SMYD3: variants seen among roughly 807,000 people sequenced by gnomAD.
SMYD3 encodes SET and MYND domain containing 3.
In SMYD3, 36 loss-of-function variants were observed where a neutral mutation model predicts 57.7. The ratio of observed to expected loss-of-function variants is 0.62; its 90% CI spans 0.48 to 0.82. The LOEUF is 0.82. SMYD3 is among the 40% of genes least tolerant of loss of function. SMYD3 has a pLI of 0.00. For synonymous variants in SMYD3, 211 were observed against 195.0 expected (o/e 1.08, Z -0.68); for missense variants, 515 against 538.8 (o/e 0.96, Z 0.44).
At chr1:246,131,749 T>C (rs931047549) in intron 5 of SMYD3, among the ~76,000 whole-genome samples, 4 of 152,198 alleles carry the variant, frequency 2.6e-5, no homozygotes, top group African/African-American at 9.7e-5. Flanking sequence ...CTGACATAAA[T>C]TTCCGGAGAA....
chr1:246,166,502 G>C (rs1202218237), intron 5 of SMYD3, among the ~76,000 whole-genome samples: 1 of 152,130 alleles, frequency 6.6e-6, no homozygotes, highest in Non-Finnish European at 1.5e-5. Context: ...CCCTTTATTT[G>C]CTGAGTGTCT....
intron 9 of SMYD3, among the ~76,000 whole-genome samples, chr1:245,861,951 T>C (rs1172225163): frequency 1.3e-5 from 2 of 152,120 alleles, no homozygotes; most frequent in Admixed American, 6.5e-5. Flanking sequence ...AGTAAAACCT[T>C]GTCCAGTTGA....
At chr1:245,836,456 G>A (rs536617833) in intron 10 of SMYD3, among the ~76,000 whole-genome samples, 1 of 152,336 alleles carries the variant, frequency 6.6e-6, no homozygotes, top group South Asian at 2.1e-4. Flanking sequence ...TCTTGAGAGA[G>A]GAGTCTGTGT....
intron 1 of SMYD3, among the ~76,000 whole-genome samples, chr1:246,439,335 T>A (rs2067428978): frequency 6.6e-6 from 1 of 152,124 alleles, no homozygotes; most frequent in African/African-American, 2.4e-5. Context: ...CACTGTATAG[T>A]CCAACAATTC....
At chr1:245,963,030 C>CA (rs1425439718) in intron 5 of SMYD3, among the ~76,000 whole-genome samples, 1 of 152,064 alleles carries the variant, frequency 6.6e-6, no homozygotes, top group African/African-American at 2.4e-5. Flanking sequence ...TAAAAATGTT[C>CA]AAAGTCCTGT....
intron 5 of SMYD3, among the ~76,000 whole-genome samples, chr1:246,162,522 G>A (rs569513331): frequency 6.6e-6 from 1 of 152,284 alleles, no homozygotes; most frequent in African/African-American, 2.4e-5. Flanking sequence ...ATCTCCTCAA[G>A]AATCTGGAAT....
At chr1:245,786,259 T>A (rs1009124554) in intron 10 of SMYD3, among the ~76,000 whole-genome samples, 1 of 149,796 alleles carries the variant, frequency 6.7e-6, no homozygotes, top group African/African-American at 2.5e-5. Flanking sequence ...AAAAGAAGCC[T>A]ACGGAAACCT....
chr1:246,505,832 C>CATTT (rs1236884919), intron 1 of SMYD3, among the ~76,000 whole-genome samples: 1 of 152,186 alleles, frequency 6.6e-6, no homozygotes, highest in African/African-American at 2.4e-5. Flanking sequence ...AATTTGTCAC[C>CATTT]ATTTATTCAT....
chr1:246,018,193 A>C (rs1383242375), intron 5 of SMYD3, among the ~76,000 whole-genome samples: 7 of 152,218 alleles, frequency 4.6e-5, no homozygotes, highest in Admixed American at 4.6e-4. Flanking sequence ...TTATTTCTAC[A>C]CAGCTCTTTC....
At chr1:245,859,359 C>T (rs1474345660) in intron 9 of SMYD3, among the ~76,000 whole-genome samples, 2 of 152,170 alleles carry the variant, frequency 1.3e-5, no homozygotes, top group African/African-American at 4.8e-5. Flanking sequence ...CAATTGCTGG[C>T]AAGGGAAACG....
intron 5 of SMYD3, among the ~76,000 whole-genome samples, chr1:246,313,647 GCTTTT>G (rs2065114468): frequency 6.6e-6 from 1 of 152,042 alleles, no homozygotes; most frequent in African/African-American, 2.4e-5. Context: ...TAGCTCTAAT[GCTTTT>G]CTTTTACTTG....
At chr1:246,022,185 C>T (rs145888960) in intron 5 of SMYD3, among the ~76,000 whole-genome samples, 8 of 152,304 alleles carry the variant, frequency 5.3e-5, no homozygotes, top group African/African-American at 1.7e-4. Context: ...TACAGAGAGG[C>T]CATCACCTCT....
chr1:245,858,140 C>G (rs9287183), intron 10 of SMYD3, among the ~76,000 whole-genome samples: 85,467 of 152,052 alleles, frequency 0.56, 26,969 homozygotes, highest in Non-Finnish European at 0.73. Context: ...CACAGCCTCT[C>G]AAGCTAGGTC....
At chr1:245,914,144 T>C (rs1034301014) in intron 8 of SMYD3, among the ~76,000 whole-genome samples, 3 of 152,180 alleles carry the variant, frequency 2.0e-5, no homozygotes, top group Non-Finnish European at 4.4e-5. Context: ...GCCATTACTT[T>C]TAATGGCAAA....
At chr1:246,151,398 G>A (rs953880870) in intron 5 of SMYD3, among the ~76,000 whole-genome samples, 1 of 151,950 alleles carries the variant, frequency 6.6e-6, no homozygotes, top group Admixed American at 6.6e-5. Context: ...CAAAAAGTAT[G>A]GGGTTCATGG....
chr1:246,251,532 AG>A (rs1364469109), intron 5 of SMYD3, among the ~76,000 whole-genome samples: 1 of 96,786 alleles, frequency 1.0e-5, no homozygotes, highest in African/African-American at 4.0e-5. Context: ...CGGCTTTAGT[AG>A]GTGCCGCGGA....
chr1:245,999,852 G>A (rs1186585343), intron 5 of SMYD3, among the ~76,000 whole-genome samples: 1 of 152,140 alleles, frequency 6.6e-6, no homozygotes, highest in African/African-American at 2.4e-5. Flanking sequence ...TATAAAATCT[G>A]CTTTAAAATC....
chr1:246,409,533 A>G (rs1447682649), intron 1 of SMYD3, among the ~76,000 whole-genome samples: 2 of 152,210 alleles, frequency 1.3e-5, no homozygotes, highest in South Asian at 4.1e-4. Flanking sequence ...CCATTGGTCT[A>G]TCTCTCTGTT....
Position 246,438,330 on chromosome 1 carries a change from G to A in SMYD3, c.164+68724C>T, listed in dbSNP as rs552649702. The stretch of plus-strand genomic sequence containing the variant: ...ATATATTTCTTCCTGCAAATATATC[G>A]TATGATCAGATTTCTAATATAAAAC... On this transcript the variant is annotated intron_variant, in intron 1 of 11. Coordinates refer to ENST00000490107, the MANE Select transcript of SMYD3 (RefSeq NM_001167740.2). Among the ~76,000 whole-genome samples the A allele has an allele frequency of 4.1e-4, 63 of 152,200 alleles. 1 individual carries two copies. The highest frequency in any genetic ancestry group is 1.4e-3 in the African/African-American group (60 of 41,514).
Sources: gnomAD v4.1 joint callset for allele counts (sites outside exome capture counted in the v4.1 genomes callset) on GRCh38, gnomAD v4.1.1 for gene constraint, MANE v1.5 for transcripts, NCBI Gene and HGNC (gene_info 2026-07-23, HGNC 2026-07-21) for gene names.